CD47: variants seen among roughly 807,000 people sequenced by gnomAD.
The protein encoded by CD47 is leukocyte surface antigen CD47.
A neutral mutation model predicts 44.6 loss-of-function variants in CD47; 11 were observed. The ratio of observed to expected loss-of-function variants is 0.25; its 90% CI spans 0.16 to 0.41. The LOEUF (loss-of-function observed/expected upper bound fraction) is 0.41, where lower values mean the gene tolerates loss of function less well. Ranked by LOEUF, CD47 falls within the 10% of genes least tolerant of loss-of-function variation. The pLI, the probability that CD47 is intolerant of heterozygous loss-of-function variation, is 1.00. For synonymous variants in CD47, 140 were observed against 136.3 expected (o/e 1.03, Z -0.19); for missense variants, 306 against 386.7 (o/e 0.79, Z 1.75).
Position 108,044,259 on chromosome 3 carries a change from A to T in CD47, c.*3029T>A, listed in dbSNP as rs1408801765. On this transcript the variant is annotated 3_prime_UTR_variant, in exon 11 of 11. Coordinates refer to ENST00000361309, the MANE Select transcript of CD47 (RefSeq NM_001777.4). ...TAACAATTTGGTGGTCACTTACTAA[A>T]TTGACTATAGCATCCTGAAAAAAGA... 4.6e-5 allele frequency: 7 copies of T among 152,560 alleles called. No individual in the cohort carries two copies. The highest frequency in any genetic ancestry group is 1.7e-4 in the African/African-American group (7 of 41,428). 9.5% of individuals were successfully genotyped at this position (152,560 alleles called of 1,614,324 possible).
intron 1 of CD47, among the ~76,000 whole-genome samples, chr3:108,082,381 A>G (rs929518565): frequency 1.3e-5 from 2 of 152,068 alleles, no homozygotes; most frequent in Non-Finnish European, 2.9e-5. Context: ...AGAGGATTCC[A>G]AAAGACTACA....
intron 1 of CD47, among the ~76,000 whole-genome samples, chr3:108,083,969 T>C (rs1047534872): frequency 4.6e-5 from 7 of 151,366 alleles, no homozygotes; most frequent in Non-Finnish European, 1.0e-4. Flanking sequence ...TCTGCCTCCA[T>C]ACCCATCAGT....
chr3:108,086,475 T>C (rs750038214), intron 1 of CD47, among the ~76,000 whole-genome samples: 2 of 152,118 alleles, frequency 1.3e-5, no homozygotes, highest in Non-Finnish European at 2.9e-5. Context: ...TGTAGCTAGT[T>C]AGATGGTAGG....
intron 2 of CD47, among the ~76,000 whole-genome samples, chr3:108,072,787 T>C (rs1414014980): frequency 1.3e-5 from 2 of 152,326 alleles, no homozygotes; most frequent in African/African-American, 4.8e-5. Flanking sequence ...TATGGTCTAA[T>C]AGCCATGCTT....
intron 1 of CD47, among the ~76,000 whole-genome samples, chr3:108,083,326 T>C (rs950809418): frequency 2.6e-5 from 4 of 152,038 alleles, no homozygotes; most frequent in African/African-American, 7.2e-5. Flanking sequence ...TCTCATATCA[T>C]AGTCTAGAAA....
At chr3:108,076,908 AG>A (rs899427180) in intron 2 of CD47, among the ~76,000 whole-genome samples, 18 of 152,278 alleles carry the variant, frequency 1.2e-4, no homozygotes, top group African/African-American at 4.3e-4. Context: ...GAAGAATTTG[AG>A]GGACAGATAG....
chr3:108,076,978 T>G (rs1370487569), intron 2 of CD47, among the ~76,000 whole-genome samples: 4 of 152,184 alleles, frequency 2.6e-5, no homozygotes, highest in Non-Finnish European at 5.9e-5. Flanking sequence ...AGAAAACAGC[T>G]TTCTAATTTC....
At chr3:108,089,447 A>G (rs1202247942) in intron 1 of CD47, among the ~76,000 whole-genome samples, 2 of 152,216 alleles carry the variant, frequency 1.3e-5, no homozygotes, top group South Asian at 2.1e-4. Flanking sequence ...TATGGTTTAT[A>G]CTTTTTACTT....
chr3:108,051,287 T>C (rs529951141), intron 8 of CD47, among the ~76,000 whole-genome samples: 1 of 152,320 alleles, frequency 6.6e-6, no homozygotes, highest in East Asian at 1.9e-4. Flanking sequence ...ACAACATACC[T>C]CTTGGGCCTG....
rs907920354 is a variant in CD47, at chr3:108,090,923, C to T, written c.-15G>A. The T allele has an allele frequency of 9.5e-6, 14 of 1,467,718 alleles. No individual in the cohort carries two copies. Among genetic ancestry groups the T allele is most frequent in the African/African-American group, 3.0e-5 (2 of 67,556 alleles). The allele number at this position is 1,467,718 out of a possible 1,614,324, so 90.9% of individuals were successfully genotyped here. A position where few individuals can be genotyped will look rare whatever the true frequency, so the allele number is the denominator to read the frequency against. ...AGGGGCCACATCTCCGCGCCCGCCGCGGGGTCGCCGCCGCCGCCGCAGGTG... is the reference window on the plus strand; with the variant it reads ...AGGGGCCACATCTCCGCGCCCGCCGTGGGGTCGCCGCCGCCGCCGCAGGTG... On this transcript the variant is annotated 5_prime_UTR_variant, in exon 1 of 11. Transcript: ENST00000361309.
chr3:108,086,293 G>T (rs112750402), intron 1 of CD47, among the ~76,000 whole-genome samples: 13 of 151,942 alleles, frequency 8.6e-5, no homozygotes, highest in African/African-American at 3.1e-4. Context: ...AGGAAGGACT[G>T]AGGGCAGCAA....
At chr3:108,050,855 C>T in intron 8 of CD47, 1 of 453,988 alleles carries the variant, frequency 2.2e-6, no homozygotes, top group South Asian at 1.8e-5. Context: ...TCCCACTTCA[C>T]CACTCTCAGC....
intron 3 of CD47, among the ~76,000 whole-genome samples, chr3:108,069,227 T>C (rs1356421699): frequency 6.6e-6 from 1 of 152,094 alleles, no homozygotes; most frequent in Non-Finnish European, 1.5e-5. Context: ...AGAGTTATTT[T>C]CATAGTATCA....
At chr3:108,048,680 G>A (rs1005548506) in intron 10 of CD47, among the ~76,000 whole-genome samples, 7 of 152,084 alleles carry the variant, frequency 4.6e-5, no homozygotes, top group South Asian at 2.1e-4. Flanking sequence ...CACCGCGCCC[G>A]GCCGACTGGA....
At chr3:108,084,163 A>G (rs2079472374) in intron 1 of CD47, among the ~76,000 whole-genome samples, 1 of 151,804 alleles carries the variant, frequency 6.6e-6, no homozygotes, top group Admixed American at 6.6e-5. Flanking sequence ...CCTCACTTCC[A>G]ATTCACTCCT....
At position 108,058,244 on chromosome 3, in the gene CD47, T is replaced by C. The variant is rs1342287746; in HGVS notation, c.784+93A>G. On this transcript the variant is annotated intron_variant, in intron 6 of 10. Coordinates refer to ENST00000361309, the MANE Select transcript of CD47 (RefSeq NM_001777.4). ...GCACTAAAAAAAAAAATCAAGTCTATATATTTTTAAAAAGAGAGAAAGAAA... is the reference window on the plus strand; with the variant it reads ...GCACTAAAAAAAAAAATCAAGTCTACATATTTTTAAAAAGAGAGAAAGAAA... The C allele has an allele frequency of 8.4e-6, 6 of 715,070 alleles. No homozygotes were observed. In the South Asian group the frequency reaches 1.2e-4, roughly 15 times the overall value. The allele number at this position is 715,070 out of a possible 1,614,324, so 44.3% of individuals were successfully genotyped here.
At chr3:108,052,235 A>G in intron 7 of CD47, 1 of 296,478 alleles carries the variant, frequency 3.4e-6, no homozygotes, top group Non-Finnish European at 6.5e-6. Context: ...TTTCCCCCAA[A>G]TCAGCCACTT....
chr3:108,055,668 A>C (rs911999436), intron 7 of CD47: 1 of 562,572 alleles, frequency 1.8e-6, no homozygotes, highest in Non-Finnish European at 3.1e-6. Flanking sequence ...ATATAGCATA[A>C]ATTTTAGCAT....
chr3:108,081,138 T>C (rs567895667), intron 1 of CD47, among the ~76,000 whole-genome samples: 5 of 152,024 alleles, frequency 3.3e-5, no homozygotes, highest in East Asian at 3.9e-4. Flanking sequence ...AAGATGCAAG[T>C]TGAAACCAAG....
Sources: allele counts gnomAD v4.1 joint callset (sites outside exome capture counted in the v4.1 genomes callset), GRCh38; gene constraint gnomAD v4.1.1; transcripts MANE v1.5; gene names NCBI Gene and HGNC (gene_info 2026-07-23, HGNC 2026-07-21).